Variants in SEMA6D observed in about 807,000 individuals in gnomAD.
The protein encoded by SEMA6D is semaphorin-6D.
Under a neutral mutation model 106.6 loss-of-function variants are expected in SEMA6D, and 35 were observed. The ratio of observed to expected loss-of-function variants is 0.33; its 90% confidence interval spans 0.25 to 0.44. SEMA6D has a LOEUF of 0.44. Among genes scored for constraint, SEMA6D ranks in the 20% least tolerant of loss-of-function variants. The probability of loss-of-function intolerance (pLI) is 1.00; values close to 1 mark genes in which losing one functional copy is unlikely to be tolerated. For synonymous variants in SEMA6D, 499 were observed against 487.7 expected, an observed-to-expected ratio of 1.02 and a Z score of -0.31; for missense variants, 1,185 against 1,345.9, an observed-to-expected ratio of 0.88 and a Z score of 1.87.
chr15:47,728,868 C>T (rs1343966412), intron 1 of SEMA6D, among the ~76,000 whole-genome samples: 2 of 152,226 alleles, frequency 1.3e-5, no homozygotes, highest in Non-Finnish European at 2.9e-5. Context: ...TCTCTTCCAT[C>T]TTCAAAGGAC....
chr15:47,742,994 C>T (rs12439630), intron 1 of SEMA6D, among the ~76,000 whole-genome samples: 40,616 of 152,104 alleles, frequency 0.27, 5,474 homozygotes, highest in South Asian at 0.34. Flanking sequence ...ATCCTGTTTG[C>T]ATGTCTAAAG....
At chr15:47,456,587 A>G (rs896824269) in intron 2 of SEMA6D, among the ~76,000 whole-genome samples, 16 of 152,068 alleles carry the variant, frequency 1.1e-4, no homozygotes, top group Admixed American at 6.6e-5. Flanking sequence ...TTAGCAGTGA[A>G]GGACCAGAGA....
chr15:47,565,552 A>G (rs1473931053), intron 3 of SEMA6D, among the ~76,000 whole-genome samples: 1 of 152,244 alleles, frequency 6.6e-6, no homozygotes, highest in African/African-American at 2.4e-5. Flanking sequence ...TTTGAAATGT[A>G]TGATACATGC....
chr15:47,388,884 T>C (rs2039934492), intron 1 of SEMA6D, among the ~76,000 whole-genome samples: 1 of 152,176 alleles, frequency 6.6e-6, no homozygotes, highest in Non-Finnish European at 1.5e-5. Context: ...TAGAACTTAA[T>C]CAGTTATAAA....
chr15:47,399,985 G>C (rs988439072), intron 1 of SEMA6D, among the ~76,000 whole-genome samples: 11 of 152,144 alleles, frequency 7.2e-5, no homozygotes, highest in Admixed American at 5.9e-4. Context: ...AGAATAGTTA[G>C]AGTTTAGGTC....
At chr15:47,505,295 G>A (rs1002344588) in intron 3 of SEMA6D, among the ~76,000 whole-genome samples, 2 of 152,252 alleles carry the variant, frequency 1.3e-5, no homozygotes, top group African/African-American at 4.8e-5. Context: ...CAGCACTTTT[G>A]TTCTTCATTG....
At chr15:47,340,670 G>A (rs1334861537) in intron 1 of SEMA6D, among the ~76,000 whole-genome samples, 1 of 152,200 alleles carries the variant, frequency 6.6e-6, no homozygotes, top group Non-Finnish European at 1.5e-5. Flanking sequence ...AACACATCAT[G>A]CCTACGTGAG....
At chr15:47,224,139 C>G (rs1232010329) in intron 1 of SEMA6D, among the ~76,000 whole-genome samples, 3 of 149,178 alleles carry the variant, frequency 2.0e-5, no homozygotes, top group African/African-American at 7.4e-5. Flanking sequence ...CACATGTACC[C>G]TAAAACTTAA....
intron 1 of SEMA6D, among the ~76,000 whole-genome samples, chr15:47,386,702 T>A (rs1416355023): frequency 6.6e-6 from 1 of 152,200 alleles, no homozygotes; most frequent in East Asian, 1.9e-4. Flanking sequence ...GAACACCTGG[T>A]GCCAGGTTTC....
At chr15:47,494,331 A>G (rs1371084951) in intron 3 of SEMA6D, among the ~76,000 whole-genome samples, 6 of 152,018 alleles carry the variant, frequency 3.9e-5, no homozygotes, top group African/African-American at 1.4e-4. Context: ...TAGCATATGA[A>G]CTCTTTCAAT....
intron 2 of SEMA6D, among the ~76,000 whole-genome samples, chr15:47,439,587 C>A (rs927455788): frequency 6.6e-6 from 1 of 152,114 alleles, no homozygotes; most frequent in African/African-American, 2.4e-5. Context: ...TGTATCTTTT[C>A]ATTACAGGCT....
At chr15:47,349,010 C>T (rs1422913796) in intron 1 of SEMA6D, among the ~76,000 whole-genome samples, 3 of 151,988 alleles carry the variant, frequency 2.0e-5, no homozygotes, top group Non-Finnish European at 2.9e-5. Context: ...TTCAAGGATA[C>T]GGGATAGGAG....
intron 3 of SEMA6D, 32 bp downstream of exon 3, chr15:47,760,447 A>C (rs1240604191): frequency 6.5e-7 from 1 of 1,541,326 alleles, no homozygotes; most frequent in East Asian, 2.3e-5. Flanking sequence ...TATTAGATTA[A>C]AATTCTTTTC....
chr15:47,432,815 G>A (rs2041583132), intron 2 of SEMA6D, among the ~76,000 whole-genome samples: 1 of 152,064 alleles, frequency 6.6e-6, no homozygotes, highest in East Asian at 1.9e-4. Flanking sequence ...AACTAAAAGT[G>A]CAAATGATTA....
chr15:47,730,474 C>A, intron 1 of SEMA6D: 1 of 1,321,232 alleles, frequency 7.6e-7, no homozygotes. Context: ...CGTGTGCAAT[C>A]AGCACCAGCT....
intron 3 of SEMA6D, among the ~76,000 whole-genome samples, chr15:47,588,172 C>A (rs938625910): frequency 1.4e-4 from 22 of 152,174 alleles, no homozygotes; most frequent in Non-Finnish European, 3.1e-4. Context: ...CCCAGAGGAT[C>A]CCACAAAGGA....
intron 3 of SEMA6D, among the ~76,000 whole-genome samples, chr15:47,498,128 G>A (rs1048134375): frequency 1.1e-4 from 16 of 152,088 alleles, no homozygotes; most frequent in African/African-American, 3.9e-4. Flanking sequence ...TTCAGACTTT[G>A]ATCCATTCTG....
chr15:47,391,258 G>A lies in SEMA6D; in HGVS notation c.-238-21135G>A, dbSNP rs184085559. ...TTTGGTCCATACACACTGGATACTG[G>A]CAGAGCTATGGCCAAAGCCAGGCCT... is the stretch of plus-strand genomic sequence containing the variant. On this transcript the variant is annotated intron_variant, in intron 1 of 19. Coordinates refer to the SEMA6D transcript ENST00000558014. 3.7e-4 allele frequency among the ~76,000 whole-genome samples: 56 copies of A among 152,270 alleles called. 1 individual carries two copies. Among genetic ancestry groups the A allele is most frequent in the Non-Finnish European group, 6.6e-4 (45 of 68,022 alleles).
intron 2 of SEMA6D, among the ~76,000 whole-genome samples, chr15:47,452,607 A>G (rs2140944340): frequency 6.6e-6 from 1 of 152,080 alleles, no homozygotes. Flanking sequence ...TTGAATTTTA[A>G]TGGGATGTTT....
Sources: allele counts gnomAD v4.1 joint callset (sites outside exome capture counted in the v4.1 genomes callset), GRCh38; gene constraint gnomAD v4.1.1; transcripts MANE v1.5; gene names NCBI Gene and HGNC (gene_info 2026-07-23, HGNC 2026-07-21).